Variants in CENPP observed in about 807,000 individuals in gnomAD.
The protein encoded by CENPP is centromere protein P.
A neutral mutation model predicts 35.6 loss-of-function variants in CENPP; 24 were observed. The ratio of observed to expected loss-of-function variants is 0.67; its 90% confidence interval spans 0.49 to 0.95. CENPP has a LOEUF of 0.95. Ranked by LOEUF, CENPP falls within the 40% of genes least tolerant of loss-of-function variation. CENPP has a pLI of 0.00. For synonymous variants in CENPP, 120 were observed against 125.5 expected, an observed-to-expected ratio of 0.96 and a Z score of 0.29; for missense variants, 332 against 345.3, an observed-to-expected ratio of 0.96 and a Z score of 0.31.
chr9:92,560,461 A>G (rs1849823028), intron 5 of CENPP, among the ~76,000 whole-genome samples: 1 of 152,138 alleles, frequency 6.6e-6, no homozygotes, highest in Admixed American at 6.5e-5. Context: ...TCTTAATTAG[A>G]CTAAACTATC....
In CENPP at chr9:92,560,868, CTTTT is replaced by C. The variant is rs58467942; in HGVS notation, c.565-50428_565-50425del. Among the ~76,000 whole-genome samples the C allele has an allele frequency of 7.1e-4, 89 of 126,112 alleles. 1 individual carries two copies. In the South Asian group the frequency reaches 0.021, roughly 29 times the overall value. The allele number at this position is 126,112 out of a possible 152,430, so 82.7% of individuals were successfully genotyped here. On this transcript the variant is annotated intron_variant, in intron 5 of 7. Coordinates refer to ENST00000375587, the MANE Select transcript of CENPP (RefSeq NM_001012267.3). The stretch of plus-strand genomic sequence containing the variant: ...TCTATGCAGCCTTCCTTTTTCTTGT[CTTTT>C]TTTTTTTTTTTTTTTTTAAATTGGT...
At chr9:92,518,000 A>T in intron 5 of CENPP, 1 of 1,101,792 alleles carries the variant, frequency 9.1e-7, no homozygotes, top group Non-Finnish European at 1.3e-6. Context: ...ATGTGCATTC[A>T]TGTATAGGGT....
intron 5 of CENPP, among the ~76,000 whole-genome samples, chr9:92,574,389 G>A (rs923825605): frequency 4.6e-5 from 7 of 151,960 alleles, no homozygotes; most frequent in Admixed American, 1.3e-4. Flanking sequence ...CACTAAAATT[G>A]GTTAGAAAAA....
intron 5 of CENPP, among the ~76,000 whole-genome samples, chr9:92,539,949 T>C (rs1475725574): frequency 6.6e-6 from 1 of 152,204 alleles, no homozygotes; most frequent in Non-Finnish European, 1.5e-5. Context: ...AAAAAGGTTA[T>C]AGTAAATAAT....
upstream of CENPP, chr9:92,325,489 C>A (rs1217237879): frequency 6.5e-6 from 1 of 153,090 alleles, no homozygotes; most frequent in Non-Finnish European, 1.5e-5. Context: ...CTGACGCCTC[C>A]GTCACCTCCC....
At chr9:92,416,491 T>C in intron 5 of CENPP, 3 of 602,930 alleles carry the variant, frequency 5.0e-6, no homozygotes, top group Non-Finnish European at 8.3e-6. Flanking sequence ...ATTTCTGCCA[T>C]TCCCTTAAGC....
chr9:92,504,052 A>G (rs1441573788), intron 5 of CENPP, among the ~76,000 whole-genome samples: 1 of 152,250 alleles, frequency 6.6e-6, no homozygotes, highest in Non-Finnish European at 1.5e-5. Flanking sequence ...TGGGAAGCTC[A>G]GGCTCACAGT....
At chr9:92,576,494 T>C (rs1850285154) in intron 5 of CENPP, among the ~76,000 whole-genome samples, 1 of 152,212 alleles carries the variant, frequency 6.6e-6, no homozygotes, top group African/African-American at 2.4e-5. Flanking sequence ...GTTAAGATGA[T>C]AAATTTTATG....
chr9:92,325,625 G>A (rs369860338), upstream of CENPP: 1 of 215,688 alleles, frequency 4.6e-6, no homozygotes, highest in East Asian at 1.2e-4. Context: ...ATAAAGAGGC[G>A]CTCCCCTCCA....
chr9:92,510,105 C>T (rs140558627), intron 5 of CENPP: 31 of 1,503,864 alleles, frequency 2.1e-5, no homozygotes, highest in South Asian at 1.5e-4. Flanking sequence ...ATATAATGGT[C>T]GTGACTAAAA....
intron 5 of CENPP, among the ~76,000 whole-genome samples, chr9:92,458,495 T>G (rs1844968120): frequency 6.6e-6 from 1 of 152,158 alleles, no homozygotes; most frequent in South Asian, 2.1e-4. Flanking sequence ...TCAATATAAG[T>G]GCAAGGTATA....
At chr9:92,378,312 C>T (rs1842168801) in intron 4 of CENPP, among the ~76,000 whole-genome samples, 1 of 152,154 alleles carries the variant, frequency 6.6e-6, no homozygotes, top group Non-Finnish European at 1.5e-5. Context: ...CCTGTTTCTT[C>T]TCATTTTGCA....
Position 92,385,683 on chromosome 9 carries a change from G to C in CENPP, c.564+5824G>C, listed in dbSNP as rs750625278. On this transcript the variant is annotated intron_variant, in intron 5 of 7. Coordinates refer to ENST00000375587, the MANE Select transcript of CENPP (RefSeq NM_001012267.3). ...TAAAACTGTTTGGATGCTTTCCCAG[G>C]ACGATTGGATTGCCCTCCAGGCGTA... 5 of 1,613,992 alleles carry C rather than the reference G, an allele frequency of 3.1e-6. No individual in the cohort carries two copies. The African/African-American group carries it at 6.7e-5, about 22-fold the overall frequency.
chr9:92,520,343 A>G (rs145664868), intron 5 of CENPP, among the ~76,000 whole-genome samples: 60 of 152,326 alleles, frequency 3.9e-4, no homozygotes, highest in African/African-American at 1.2e-3. Context: ...GAAGATATGC[A>G]GATAGACAAC....
At chr9:92,470,565 C>T in intron 5 of CENPP, 3 of 587,672 alleles carry the variant, frequency 5.1e-6, no homozygotes, top group South Asian at 3.2e-5. Context: ...TCATTCTTTA[C>T]AGAAAAGTAA....
Position 92,337,539 on chromosome 9 carries a change from A to G in CENPP, c.290-2A>G. 2.6e-6 allele frequency: 4 copies of G among 1,548,482 alleles called. No homozygotes were observed. Among genetic ancestry groups the G allele is most frequent in the Middle Eastern group, 1.7e-4 (1 of 5,932 alleles). ...CAAAATATTTGTTTTTCTGCTTTAC[A>G]GGTATTAGAAAAGTTCTACAGAGAC... On this transcript the variant is annotated splice_acceptor_variant, in intron 2 of 7. Transcript: ENST00000375587. LOFTEE classifies it high-confidence loss of function.
intron 5 of CENPP, among the ~76,000 whole-genome samples, chr9:92,604,899 TTTTA>T (rs1851032104): frequency 6.6e-6 from 1 of 152,090 alleles, no homozygotes; most frequent in Non-Finnish European, 1.5e-5. Context: ...CGGCCTGCAT[TTTTA>T]TTTAAGAAAT....
At chr9:92,373,170 C>A (rs1051860799) in intron 4 of CENPP, among the ~76,000 whole-genome samples, 4 of 152,068 alleles carry the variant, frequency 2.6e-5, no homozygotes, top group African/African-American at 9.7e-5. Flanking sequence ...TGCCTGTAAT[C>A]CTAACACTTT....
chr9:92,337,557 A>T lies in CENPP; in HGVS notation c.306A>T (p.Leu102=), dbSNP rs1036971959. ...EMTEKSIRKV[L]QRHRLSGNCH... ...GCTTTACAGGTATTAGAAAAGTTCTACAGAGACACAGATTATCAGGAAATT... is the reference window on the plus strand; with the variant it reads ...GCTTTACAGGTATTAGAAAAGTTCTTCAGAGACACAGATTATCAGGAAATT... Residue 102 remains leucine (L), a synonymous_variant, in exon 3 of 8, where the codon CTA becomes CTT. Transcript: ENST00000375587. The T allele has an allele frequency of 1.2e-6, 2 of 1,602,696 alleles. No individual in the cohort carries two copies. Among genetic ancestry groups the T allele is most frequent in the Non-Finnish European group, 1.7e-6 (2 of 1,169,776 alleles).
Sources: gnomAD v4.1 joint callset for allele counts (sites outside exome capture counted in the v4.1 genomes callset) on GRCh38, gnomAD v4.1.1 for gene constraint, MANE v1.5 for transcripts, NCBI Gene and HGNC (gene_info 2026-07-23, HGNC 2026-07-21) for gene names.